The following LAMA2 variants were observed in gnomAD, a reference collection of about 807,000 sequenced individuals.
LAMA2 encodes the protein laminin subunit alpha 2.
In LAMA2, 269 loss-of-function variants were observed where a neutral mutation model predicts 364.8. The ratio of observed to expected loss-of-function variants is 0.74; its 90% CI spans 0.67 to 0.82. LAMA2 has a LOEUF of 0.82. LAMA2 is among the 40% of genes least tolerant of loss of function. The pLI is 0.00. For synonymous variants in LAMA2, 1,379 were observed against 1,370.6 expected (o/e 1.01, Z -0.14); for missense variants, 3,807 against 3,873.2 (o/e 0.98, Z 0.45).
chr6:129,431,892 G>A (rs947820987), intron 41 of LAMA2, among the ~76,000 whole-genome samples: 3 of 152,096 alleles, frequency 2.0e-5, no homozygotes, highest in East Asian at 1.9e-4. Flanking sequence ...ACTTGCAAAC[G>A]CTAACCTGTT....
chr6:129,274,059 A>C lies in LAMA2; in HGVS notation c.2450+3308A>C, dbSNP rs139625764. Among the ~76,000 whole-genome samples, 546 of 152,038 alleles carry C rather than the reference A, an allele frequency of 3.6e-3. 2 individuals carry two copies. The highest frequency in any genetic ancestry group is 5.0e-3 in the Non-Finnish European group (340 of 67,938). On this transcript the variant is annotated intron_variant, in intron 17 of 64. Transcript: ENST00000421865. ...GTGGTATTTTAACAAGTAGAAAGAG[A>C]GGGCAGTGATAATTCACTTAGTTTA...
intron 1 of LAMA2, among the ~76,000 whole-genome samples, chr6:128,942,660 A>G (rs1780229968): frequency 6.6e-6 from 1 of 152,170 alleles, no homozygotes; most frequent in Admixed American, 6.5e-5. Flanking sequence ...TAAAAAAAAA[A>G]GTTTAGCTGA....
intron 34 of LAMA2, among the ~76,000 whole-genome samples, chr6:129,380,277 G>A (rs937040137): frequency 7.2e-5 from 11 of 152,122 alleles, no homozygotes; most frequent in African/African-American, 2.2e-4. Flanking sequence ...TTTTGAGAAT[G>A]TTCCAAAAGG....
chr6:129,082,394 C>G (rs1465241877), intron 3 of LAMA2, among the ~76,000 whole-genome samples: 1 of 152,100 alleles, frequency 6.6e-6, no homozygotes, highest in African/African-American at 2.4e-5. Context: ...TCCAACCCCT[C>G]AAATGAAATT....
intron 20 of LAMA2, chr6:129,292,782 T>C (rs2114436104): frequency 1.0e-6 from 1 of 984,292 alleles, no homozygotes; most frequent in Non-Finnish European, 1.2e-6. Flanking sequence ...TTTTATTTTA[T>C]TTTATGGTTG....
intron 1 of LAMA2, among the ~76,000 whole-genome samples, chr6:128,963,193 T>G (rs986964013): frequency 1.3e-5 from 2 of 152,020 alleles, no homozygotes; most frequent in Non-Finnish European, 2.9e-5. Flanking sequence ...CTATCCTCCC[T>G]CCCTTTCTGT....
intron 40 of LAMA2, 71 bp downstream of exon 40, chr6:129,404,030 C>A: frequency 1.3e-6 from 2 of 1,533,784 alleles, no homozygotes; most frequent in South Asian, 1.1e-5. Context: ...GTAAGTCAGT[C>A]TGGAAAATCC....
intron 12 of LAMA2, 109 bp from the exon 13 acceptor site, chr6:129,250,003 T>A: frequency 1.3e-6 from 1 of 752,544 alleles, no homozygotes; most frequent in Non-Finnish European, 2.4e-6. Flanking sequence ...TTCTGCGTCT[T>A]GCAAATACTG....
chr6:129,473,396 A>T (rs374859264), intron 52 of LAMA2, 44 bp downstream of exon 52: 101 of 1,559,102 alleles, frequency 6.5e-5, no homozygotes, highest in Non-Finnish European at 8.7e-5. Flanking sequence ...GTTTTAATTA[A>T]ATGACCACTA....
chr6:129,393,263 T>C lies in LAMA2; in HGVS notation c.5445+8T>C. 1 of 1,600,462 alleles carries C rather than the reference T, an allele frequency of 6.2e-7. No individual in the cohort carries two copies. The highest frequency in any genetic ancestry group is 8.6e-7 in the Non-Finnish European group (1 of 1,167,740). The stretch of plus-strand genomic sequence containing the variant: ...AACATGACTGCATTGGAGGTGAGTC[T>C]TAGGGGCACTTTTATCTTAATCTCA... On this transcript the variant is annotated splice_region_variant and intron_variant, in intron 37 of 64. Coordinates refer to ENST00000421865, the MANE Select transcript of LAMA2 (RefSeq NM_000426.4).
intron 49 of LAMA2, among the ~76,000 whole-genome samples, chr6:129,461,770 A>G (rs1403375620): frequency 1.3e-5 from 2 of 150,970 alleles, no homozygotes; most frequent in Non-Finnish European, 3.0e-5. Flanking sequence ...GAGTATTCCT[A>G]TGTATACGTA....
rs569986426 is a variant in LAMA2, at chr6:129,309,608, T to C, written c.3175-3253T>C. Among the ~76,000 whole-genome samples, 14 of 152,316 alleles carry C rather than the reference T, an allele frequency of 9.2e-5. No homozygotes were observed. The South Asian group carries it at 2.9e-3, about 32-fold the overall frequency. ...TTTGTTTAAGTGAGTTAATACATAC[T>C]CAAAGCAGTTGGCAAAGAAAAACTA... On this transcript the variant is annotated intron_variant, in intron 22 of 64. Transcript: ENST00000421865.
chr6:129,258,259 A>G (rs1786849895), intron 14 of LAMA2, among the ~76,000 whole-genome samples: 1 of 152,110 alleles, frequency 6.6e-6, no homozygotes, highest in Non-Finnish European at 1.5e-5. Context: ...CTAGATATAT[A>G]TCCAAAAGAA....
intron 1 of LAMA2, among the ~76,000 whole-genome samples, chr6:128,960,124 C>CA (rs777745890): frequency 5.9e-5 from 9 of 151,912 alleles, no homozygotes; most frequent in African/African-American, 9.7e-5. Context: ...ATCTTGACCC[C>CA]AAATGTTCTG....
chr6:129,011,480 T>C (rs905542059), intron 1 of LAMA2, among the ~76,000 whole-genome samples: 8 of 152,210 alleles, frequency 5.3e-5, no homozygotes, highest in African/African-American at 1.9e-4. Flanking sequence ...CAAATAACCG[T>C]GACTTGTCCT....
At chr6:128,917,769 C>T (rs1210840277) in intron 1 of LAMA2, among the ~76,000 whole-genome samples, 1 of 117,942 alleles carries the variant, frequency 8.5e-6, no homozygotes, top group Non-Finnish European at 1.6e-5. Context: ...GCTCTTACTC[C>T]GTTGCCCAGG....
At chr6:129,118,474 C>A (rs1776603185) in intron 4 of LAMA2, among the ~76,000 whole-genome samples, 1 of 152,086 alleles carries the variant, frequency 6.6e-6, no homozygotes, top group African/African-American at 2.4e-5. Flanking sequence ...ATGTGCATAT[C>A]CTTGGAGATT....
rs772580722 is a variant in LAMA2, at chr6:129,402,406, A to T, written c.5645A>T (p.Lys1882Met). The stretch of plus-strand genomic sequence containing the variant: ...ATAGATGACCTCTCCCAAGAAATAA[A>T]GGACAGGAAGCTTGCTGAGAAGGTG... ...DKIDDLSQEI[K>M]DRKLAEKVSQ... The change falls in exon 39 of 65, where the codon AAG (lysine) becomes ATG (methionine). Residue 1882 changes from lysine (K) to methionine (M), a missense_variant. Around this residue, in one of 3 missense-constraint regions of LAMA2, gnomAD observed 3,333 missense variants for 3,345.7 expected, o/e 1.00. Coordinates refer to ENST00000421865, the MANE Select transcript of LAMA2 (RefSeq NM_000426.4). The T allele has an allele frequency of 3.7e-6, 6 of 1,613,944 alleles. No individual in the cohort carries two copies. In the African/African-American group the frequency reaches 8.0e-5, roughly 22 times the overall value.
intron 20 of LAMA2, among the ~76,000 whole-genome samples, chr6:129,293,622 T>A (rs943283938): frequency 2.0e-5 from 3 of 152,114 alleles, no homozygotes; most frequent in Non-Finnish European, 4.4e-5. Flanking sequence ...AAAAGTGTGG[T>A]TCTCATATCA....
Sources: gnomAD v4.1 joint callset for allele counts (sites outside exome capture counted in the v4.1 genomes callset) on GRCh38, gnomAD v4.1.1 for gene constraint, gnomAD v4.1.1 regional missense constraint, MANE v1.5 for transcripts, NCBI Gene and HGNC (gene_info 2026-07-23, HGNC 2026-07-21) for gene names.